LRRC7: variants seen among roughly 807,000 people sequenced by gnomAD.
LRRC7 encodes the protein leucine-rich repeat-containing protein 7.
LRRC7 carries 23 observed loss-of-function variants against 175.7 expected under a neutral mutation model. The ratio of observed to expected loss-of-function variants is 0.13; its 90% CI spans 0.09 to 0.19. The LOEUF is 0.19. LRRC7 is among the 10% of genes least tolerant of loss of function. The pLI, the probability that LRRC7 is intolerant of heterozygous loss-of-function variation, is 1.00. For synonymous variants in LRRC7, 685 were observed against 680.9 expected (o/e 1.01, Z -0.09); for missense variants, 1,354 against 1,904.7 (o/e 0.71, Z 5.38).
chr1:70,104,177 A>G (rs547044567), intron 25 of LRRC7, among the ~76,000 whole-genome samples: 1 of 152,346 alleles, frequency 6.6e-6, no homozygotes, highest in South Asian at 2.1e-4. Flanking sequence ...TTAGAATACA[A>G]ACAGACTGAT....
chr1:69,777,714 C>T (rs1437777140), intron 3 of LRRC7, among the ~76,000 whole-genome samples: 1 of 152,152 alleles, frequency 6.6e-6, no homozygotes, highest in African/African-American at 2.4e-5. Flanking sequence ...AATCAACAGC[C>T]AAGATTTTGT....
At position 69,880,350 on chromosome 1, in the gene LRRC7, C is replaced by T. The variant is rs139120513; in HGVS notation, c.647+42067C>T. 3.3e-3 allele frequency among the ~76,000 whole-genome samples: 495 copies of T among 152,234 alleles called. 1 individual carries two copies. The highest frequency in any genetic ancestry group is 0.011 in the African/African-American group (446 of 41,542). On this transcript the variant is annotated intron_variant, in intron 7 of 26. Coordinates refer to ENST00000651989, the MANE Select transcript of LRRC7 (RefSeq NM_001370785.2). Reference sequence around the variant, plus strand: ...ATCAGGAGCTTGCACTGTAGGACTTCAGCGCTGAGCAAGGGGATGATCAGG... The same window carrying T: ...ATCAGGAGCTTGCACTGTAGGACTTTAGCGCTGAGCAAGGGGATGATCAGG...
At chr1:70,045,424 T>G (rs984429152) in intron 22 of LRRC7, among the ~76,000 whole-genome samples, 1 of 152,140 alleles carries the variant, frequency 6.6e-6, no homozygotes, top group East Asian at 1.9e-4. Flanking sequence ...CAATACAAAT[T>G]GGCTCCAACA....
At chr1:69,594,428 C>T (rs753488773) in intron 1 of LRRC7, among the ~76,000 whole-genome samples, 6 of 152,100 alleles carry the variant, frequency 3.9e-5, no homozygotes, top group Non-Finnish European at 8.8e-5. Flanking sequence ...TAAACAATCA[C>T]ATAAGTATTC....
intron 3 of LRRC7, among the ~76,000 whole-genome samples, chr1:69,772,079 C>T (rs1015941296): frequency 6.6e-6 from 1 of 151,998 alleles, no homozygotes; most frequent in Non-Finnish European, 1.5e-5. Context: ...TGAAATCGCG[C>T]CACTGCATTC....
At chr1:69,823,369 T>C (rs1679522714) in intron 4 of LRRC7, among the ~76,000 whole-genome samples, 1 of 152,234 alleles carries the variant, frequency 6.6e-6, no homozygotes, top group African/African-American at 2.4e-5. Context: ...TTCACATTTA[T>C]CTTTTGATTC....
chr1:70,054,994 C>T lies in LRRC7; in HGVS notation c.4230+1849C>T, dbSNP rs535524852. Among the ~76,000 whole-genome samples, 4 of 152,222 alleles carry T rather than the reference C, an allele frequency of 2.6e-5. No individual in the cohort carries two copies. The South Asian group carries it at 8.3e-4, about 32-fold the overall frequency. On this transcript the variant is annotated intron_variant, in intron 23 of 26. Coordinates refer to ENST00000651989, the MANE Select transcript of LRRC7 (RefSeq NM_001370785.2). The stretch of plus-strand genomic sequence containing the variant: ...TCTTTGTTACTTAAGTGATTTTTCT[C>T]TTGATGACCACTTCAATACTTCAAA...
At chr1:69,912,133 A>G (rs1334334277) in intron 7 of LRRC7, among the ~76,000 whole-genome samples, 1 of 152,156 alleles carries the variant, frequency 6.6e-6, no homozygotes, top group Admixed American at 6.5e-5. Context: ...AGGTCATGGA[A>G]CCAATTCCCC....
At chr1:69,906,343 G>T (rs1646310673) in intron 7 of LRRC7, among the ~76,000 whole-genome samples, 1 of 152,270 alleles carries the variant, frequency 6.6e-6, no homozygotes, top group Admixed American at 6.5e-5. Flanking sequence ...CCTTGCCTAT[G>T]TCCTGAATAG....
At chr1:69,792,330 C>A (rs915282685) in intron 4 of LRRC7, among the ~76,000 whole-genome samples, 170 bp downstream of exon 4, 1 of 152,038 alleles carries the variant, frequency 6.6e-6, no homozygotes, top group African/African-American at 2.4e-5. Flanking sequence ...AGACAGACGT[C>A]CTGTCTCTCC....
chr1:69,769,622 T>C (rs939391488), intron 3 of LRRC7, among the ~76,000 whole-genome samples: 3 of 152,198 alleles, frequency 2.0e-5, no homozygotes, highest in African/African-American at 7.2e-5. Context: ...ATTATGTATA[T>C]GCAAGTATTC....
chr1:70,043,164 T>C (rs1356723421), intron 21 of LRRC7, among the ~76,000 whole-genome samples: 3 of 152,162 alleles, frequency 2.0e-5, no homozygotes, highest in East Asian at 3.8e-4. Flanking sequence ...AAAAAAATTA[T>C]CTATCAGTCA....
chr1:70,103,341 C>A (rs1332719901), intron 25 of LRRC7, among the ~76,000 whole-genome samples: 1 of 152,054 alleles, frequency 6.6e-6, no homozygotes, highest in Non-Finnish European at 1.5e-5. Flanking sequence ...GAGAAGATTA[C>A]CCTGGATTAT....
intron 9 of LRRC7, among the ~76,000 whole-genome samples, chr1:69,984,226 G>A (rs1037525749): frequency 2.0e-5 from 3 of 152,066 alleles, no homozygotes; most frequent in Non-Finnish European, 4.4e-5. Flanking sequence ...GCCCAGCAGA[G>A]ATTATACATT....
intron 2 of LRRC7, among the ~76,000 whole-genome samples, chr1:69,703,727 TA>T (rs1329886284): frequency 6.6e-6 from 1 of 152,006 alleles, no homozygotes; most frequent in East Asian, 1.9e-4. Context: ...TGTGTACATA[TA>T]GCATGTATAT....
At chr1:69,676,824 G>A (rs1011583527) in intron 1 of LRRC7, among the ~76,000 whole-genome samples, 2 of 151,748 alleles carry the variant, frequency 1.3e-5, no homozygotes, top group Non-Finnish European at 2.9e-5. Flanking sequence ...AGTGGGTTTT[G>A]GTTACACACA....
intron 2 of LRRC7, among the ~76,000 whole-genome samples, chr1:69,743,400 C>T (rs1375353763): frequency 6.6e-6 from 1 of 151,992 alleles, no homozygotes; most frequent in Non-Finnish European, 1.5e-5. Flanking sequence ...CAGAGAAAAA[C>T]ACTTGCAAAA....
chr1:69,802,013 T>G (rs1676570185), intron 4 of LRRC7, among the ~76,000 whole-genome samples: 1 of 151,334 alleles, frequency 6.6e-6, no homozygotes, highest in Non-Finnish European at 1.5e-5. Context: ...TAATTTCCAT[T>G]TATTTGTGGT....
In LRRC7 at chr1:69,695,516, AC is replaced by A. The variant is rs1175154182; in HGVS notation, c.100+17040del. 7.2e-5 allele frequency among the ~76,000 whole-genome samples: 11 copies of A among 152,334 alleles called. No individual in the cohort carries two copies. The South Asian group carries it at 1.2e-3, about 17-fold the overall frequency. On this transcript the variant is annotated intron_variant, in intron 2 of 26. Coordinates refer to ENST00000651989, the MANE Select transcript of LRRC7 (RefSeq NM_001370785.2). Reference sequence around the variant, plus strand: ...ACGAATTGAAATGAGATTCAAAGCCACCACCTGCTAGAGAGCTTTGCATGAC... The same window carrying A: ...ACGAATTGAAATGAGATTCAAAGCCACACCTGCTAGAGAGCTTTGCATGAC...
Sources: gnomAD v4.1 joint callset for allele counts (sites outside exome capture counted in the v4.1 genomes callset) on GRCh38, gnomAD v4.1.1 for gene constraint, MANE v1.5 for transcripts, NCBI Gene and HGNC (gene_info 2026-07-23, HGNC 2026-07-21) for gene names.